Variants in DNHD1 observed in about 807,000 individuals in gnomAD.
DNHD1 encodes dynein heavy chain domain-containing protein 1.
DNHD1 carries 383 observed loss-of-function variants against 458.1 expected under a neutral mutation model. The ratio of observed to expected loss-of-function variants is 0.84; its 90% CI spans 0.77 to 0.91. DNHD1 has a LOEUF of 0.91. Ranked by LOEUF, DNHD1 falls within the 40% of genes least tolerant of loss-of-function variation. The pLI, the probability that DNHD1 is intolerant of heterozygous loss-of-function variation, is 0.00. For missense variants in DNHD1, 5,336 were observed against 5,866.1 expected (o/e 0.91, Z 2.95); for synonymous variants, 2,203 against 2,376.9 (o/e 0.93, Z 2.13).
In DNHD1 at chr11:6,557,779, G is replaced by A. The variant is rs1589892131; in HGVS notation, c.8484G>A (p.Gly2828=). The A allele has an allele frequency of 1.9e-6, 3 of 1,551,550 alleles. No individual in the cohort carries two copies. The highest frequency in any genetic ancestry group is 2.6e-6 in the Non-Finnish European group (3 of 1,146,980). Residue 2828 remains glycine (G), a synonymous_variant, in exon 25 of 43, where the codon GGG becomes GGA. Coordinates refer to ENST00000254579, the MANE Select transcript of DNHD1 (RefSeq NM_144666.3). ...DLVFSQELIL[G]PNSETPNLYL... is the part of the protein sequence containing the mutation. ...TCTTCAGTCAGGAGCTGATACTGGGGCCTAACTCTGAGACCCCCAACTTGT... is the reference window on the plus strand; with the variant it reads ...TCTTCAGTCAGGAGCTGATACTGGGACCTAACTCTGAGACCCCCAACTTGT...
chr11:6,550,512 A>AAAT (rs1350469115), intron 24 of DNHD1, among the ~76,000 whole-genome samples: 2 of 152,206 alleles, frequency 1.3e-5, no homozygotes, highest in African/African-American at 4.8e-5. Flanking sequence ...ATAAAATAAA[A>AAAT]AATAAATAGA....
intron 10 of DNHD1, among the ~76,000 whole-genome samples, chr11:6,522,290 T>A (rs1852619310): frequency 6.6e-6 from 1 of 152,196 alleles, no homozygotes; most frequent in Non-Finnish European, 1.5e-5. Context: ...TTCTGTAGGT[T>A]GTCTGTTTAC....
At chr11:6,518,513 G>T (rs1036523571) in intron 7 of DNHD1, among the ~76,000 whole-genome samples, 3 of 152,140 alleles carry the variant, frequency 2.0e-5, no homozygotes, top group Non-Finnish European at 2.9e-5. Flanking sequence ...CTTTCAATGT[G>T]AGATTATACA....
chr11:6,519,748 G>A lies in DNHD1; in HGVS notation c.1541G>A (p.Trp514Ter), dbSNP rs1344810826. 6.2e-7 allele frequency: 1 copy of A among 1,614,136 alleles called. No homozygotes were observed. Residue 514 changes from tryptophan to a stop codon, truncating the protein, a stop_gained, in exon 8 of 43, where the codon TGG (tryptophan) becomes TAG (stop). Transcript: ENST00000254579. LOFTEE classifies it high-confidence loss of function. ...AAGCTGAAGCAAGCAGAGGCCTGGT[G>A]GCTGCAGCTGGGAAAGTTTGCCCGC... is the stretch of plus-strand genomic sequence containing the variant. Reference protein sequence around the residue: ...EQKLKQAEAWWLQLGKFARLV... With the variant: ...EQKLKQAEAW
chr11:6,556,946 CCTTCTGT>C lies in DNHD1; in HGVS notation c.7652_7658del (p.Pro2551ArgfsTer16). On this transcript the variant is annotated frameshift_variant, in exon 25 of 43. Coordinates refer to ENST00000254579, the MANE Select transcript of DNHD1 (RefSeq NM_144666.3). LOFTEE classifies it high-confidence loss of function. ...CATTCAGGCTTGGCTTGAGCGTTTC[CCTTCTGT>C]GGAACGGGAGCGTGCTCTGGCACGA... 1 of 1,551,752 alleles carries C rather than the reference CCTTCTGT, an allele frequency of 6.4e-7. No individual in the cohort carries two copies. Among genetic ancestry groups the C allele is most frequent in the Non-Finnish European group, 8.7e-7 (1 of 1,147,012 alleles).
At position 6,544,662 on chromosome 11, in the gene DNHD1, T is replaced by C. The variant is rs1292126426; in HGVS notation, c.3843T>C (p.Asn1281=). 2 of 1,551,332 alleles carry C rather than the reference T, an allele frequency of 1.3e-6. No individual in the cohort carries two copies. The highest frequency in any genetic ancestry group is 2.4e-5 in the East Asian group (1 of 40,924). Residue 1281 remains asparagine, a synonymous_variant, in exon 20 of 43, where the codon AAT becomes AAC. Coordinates refer to ENST00000254579, the MANE Select transcript of DNHD1 (RefSeq NM_144666.3). ...ATGAGATGAAGATCCAGTTTCCTAA[T>C]GCTGACCTGGTAGGGAAGGGGGTTG... ...VLHEMKIQFP[N]ADLNSRFKVM...
At chr11:6,551,172 A>C (rs1853335916) in intron 24 of DNHD1, among the ~76,000 whole-genome samples, 1 of 152,222 alleles carries the variant, frequency 6.6e-6, no homozygotes, top group Non-Finnish European at 1.5e-5. Flanking sequence ...TAACAATACA[A>C]ATATTGATAA....
chr11:6,560,411 C>A (rs142457054), intron 28 of DNHD1, among the ~76,000 whole-genome samples: 1 of 152,252 alleles, frequency 6.6e-6, no homozygotes, highest in East Asian at 1.9e-4. Flanking sequence ...TGGTGCCCTC[C>A]TACTATTCAC....
At chr11:6,528,471 TTG>T (rs1852760253) in intron 10 of DNHD1, 49 bp from the exon 11 acceptor site, 3 of 1,503,516 alleles carry the variant, frequency 2.0e-6, no homozygotes, top group Non-Finnish European at 2.7e-6. Flanking sequence ...GGAAGATTGT[TTG>T]TGGGCTCTGG....
rs931892630 is a variant in DNHD1 at position 6,571,034 on chromosome 11, C to G, written c.13522C>G (p.Gln4508Glu). 3 of 1,584,666 alleles carry G rather than the reference C, an allele frequency of 1.9e-6. No individual in the cohort carries two copies. Among genetic ancestry groups the G allele is most frequent in the Middle Eastern group, 1.7e-4 (1 of 5,960 alleles). ...ACAACGCGACCTTGATTGCCTGTTGCAGCAGCTGAAGGGCGCACCCCCGTG... is the reference window on the plus strand; with the variant it reads ...ACAACGCGACCTTGATTGCCTGTTGGAGCAGCTGAAGGGCGCACCCCCGTG... ...TLQRDLDCLLQQLKGAPPCPS... is the reference protein window; with the variant it reads ...TLQRDLDCLLEQLKGAPPCPS... The change falls in exon 42 of 43, where the codon CAG becomes GAG. Residue 4508 changes from glutamine to glutamate, a missense_variant. Around this residue, in one of 4 missense-constraint regions of DNHD1, gnomAD observed 698 missense variants for 664.9 expected, o/e 1.05. Coordinates refer to ENST00000254579, the MANE Select transcript of DNHD1 (RefSeq NM_144666.3). The surrounding 1 kb of genome is among the most constrained non-coding windows in gnomAD (Gnocchi z 5.0).
chr11:6,562,145 A>C (rs1350885613), intron 28 of DNHD1, among the ~76,000 whole-genome samples: 2 of 152,168 alleles, frequency 1.3e-5, no homozygotes, highest in Non-Finnish European at 2.9e-5. Context: ...CACGAGAGGC[A>C]TTTAGGAGGT....
Position 6,557,312 on chromosome 11 carries a change from C to T in DNHD1, c.8017C>T (p.Leu2673=), listed in dbSNP as rs1377230755. 4 of 1,551,626 alleles carry T rather than the reference C, an allele frequency of 2.6e-6. No homozygotes were observed. Among genetic ancestry groups the T allele is most frequent in the Non-Finnish European group, 3.5e-6 (4 of 1,147,014 alleles). ...RERSYCAKLL[L]VVAQSVFCCG... ...ACGCTCCTACTGTGCCAAGCTGCTC[C>T]TAGTAGTAGCTCAAAGTGTCTTCTG... The change falls in exon 25 of 43, where the codon CTA becomes TTA. Residue 2673 remains leucine (L), a synonymous_variant. Coordinates refer to ENST00000254579, the MANE Select transcript of DNHD1 (RefSeq NM_144666.3).
chr11:6,512,307 G>A (rs935901597), intron 7 of DNHD1, among the ~76,000 whole-genome samples: 3 of 135,024 alleles, frequency 2.2e-5, no homozygotes, highest in East Asian at 4.6e-4. Flanking sequence ...TGCAAGCTCT[G>A]CCTTCCGGGT....
At chr11:6,540,745 A>G (rs1476897938) in intron 18 of DNHD1, among the ~76,000 whole-genome samples, 1 of 152,216 alleles carries the variant, frequency 6.6e-6, no homozygotes, top group African/African-American at 2.4e-5. Flanking sequence ...GACCAGACAA[A>G]GGGAACAGCA....
chr11:6,557,959 G>A lies in DNHD1; in HGVS notation c.8664G>A (p.Leu2888=), dbSNP rs1853504250. Reference sequence around the variant, plus strand: ...CCAGGCCCCGGCAGCATGGCCTGCTGCTCTCGGGGGCTCTGGGTACTGGGC... The same window carrying A: ...CCAGGCCCCGGCAGCATGGCCTGCTACTCTCGGGGGCTCTGGGTACTGGGC... ...VLARPRQHGL[L]LSGALGTGRH... Residue 2888 remains leucine (L), a synonymous_variant, in exon 25 of 43, where the codon CTG becomes CTA. Coordinates refer to ENST00000254579, the MANE Select transcript of DNHD1 (RefSeq NM_144666.3). 2.6e-6 allele frequency: 4 copies of A among 1,551,614 alleles called. 1 individual carries two copies. In the Middle Eastern group the frequency reaches 5.0e-4, roughly 194 times the overall value.
intron 4 of DNHD1, chr11:6,508,645 G>A (rs543886920): frequency 4.5e-5 from 23 of 508,660 alleles, no homozygotes; most frequent in African/African-American, 4.2e-4. Context: ...TGAACTTCTT[G>A]GAGCTGGCTA....
intron 39 of DNHD1, among the ~76,000 whole-genome samples, chr11:6,569,169 C>G (rs1185632311): frequency 6.6e-6 from 1 of 152,080 alleles, no homozygotes; most frequent in Non-Finnish European, 1.5e-5. Context: ...AAGTAAGGTT[C>G]ATTATAAAGG....
At chr11:6,519,338 C>T (rs148787835) in intron 7 of DNHD1, among the ~76,000 whole-genome samples, 64 of 152,276 alleles carry the variant, frequency 4.2e-4, no homozygotes, top group Admixed American at 9.2e-4. Context: ...GAGTTCCACC[C>T]TGGGGGTTTT....
chr11:6,500,173 C>T (rs1487701437), intron 3 of DNHD1, among the ~76,000 whole-genome samples: 1 of 152,056 alleles, frequency 6.6e-6, no homozygotes, highest in African/African-American at 2.4e-5. Context: ...CCATGTTGAC[C>T]AGGCTAGGTT....
Sources: gnomAD v4.1 joint callset for allele counts (sites outside exome capture counted in the v4.1 genomes callset) on GRCh38, gnomAD v4.1.1 for gene constraint, gnomAD v4.1.1 regional missense constraint, Gnocchi (gnomAD v3.1) non-coding constraint, MANE v1.5 for transcripts, NCBI Gene and HGNC (gene_info 2026-07-23, HGNC 2026-07-21) for gene names.